ATOSA: variants seen among roughly 807,000 people sequenced by gnomAD.
The protein encoded by ATOSA is atos homolog A.
At chr15:52,633,856 A>G in the ATOSA span, among the ~76,000 whole-genome samples, 1 of 152,164 alleles carries the variant, frequency 6.6e-6, no homozygotes, top group Non-Finnish European at 1.5e-5. Flanking sequence ...TCTTAAATAT[A>G]ATTAAAGGAA....
At chr15:52,704,186 C>T in the ATOSA span, among the ~76,000 whole-genome samples, 2 of 152,108 alleles carry the variant, frequency 1.3e-5, no homozygotes, top group African/African-American at 4.8e-5. Flanking sequence ...AGAACAGAGG[C>T]TCTGAAATAA....
the ATOSA span, among the ~76,000 whole-genome samples, chr15:52,700,087 A>T: frequency 6.6e-6 from 1 of 152,212 alleles, no homozygotes; most frequent in Non-Finnish European, 1.5e-5. Flanking sequence ...AACTGAAAAG[A>T]TTGACCATCA....
At chr15:52,704,617 G>A in the ATOSA span, among the ~76,000 whole-genome samples, 2 of 151,958 alleles carry the variant, frequency 1.3e-5, no homozygotes, top group South Asian at 2.1e-4. Flanking sequence ...TCTGACAAAG[G>A]GCTAATATCC....
At chr15:52,618,326 A>G in the ATOSA span, among the ~76,000 whole-genome samples, 12 of 152,314 alleles carry the variant, frequency 7.9e-5, no homozygotes, top group East Asian at 5.8e-4. Flanking sequence ...GGTGTGTGCC[A>G]CTGCGCCTGG....
chr15:52,604,976 A>G, the ATOSA span, among the ~76,000 whole-genome samples: 1 of 152,182 alleles, frequency 6.6e-6, no homozygotes, highest in Non-Finnish European at 1.5e-5. Flanking sequence ...CTGTATTATC[A>G]CATAGCTGTA....
chr15:52,691,912 C>T, the ATOSA span, among the ~76,000 whole-genome samples: 9 of 151,924 alleles, frequency 5.9e-5, no homozygotes, highest in African/African-American at 2.2e-4. Context: ...AAAAGAGATA[C>T]CAGGCCCAGA....
the ATOSA span, among the ~76,000 whole-genome samples, chr15:52,606,334 C>A: frequency 6.6e-6 from 1 of 151,932 alleles, no homozygotes; most frequent in Non-Finnish European, 1.5e-5. Flanking sequence ...AAGTTTATAC[C>A]CAAAGATCAG....
the ATOSA span, among the ~76,000 whole-genome samples, chr15:52,700,934 A>G: frequency 1.3e-5 from 2 of 152,250 alleles, no homozygotes; most frequent in Non-Finnish European, 2.9e-5. Flanking sequence ...TAAATTTAAC[A>G]TGATCTCAAT....
the ATOSA span, among the ~76,000 whole-genome samples, chr15:52,630,940 T>C: frequency 6.6e-6 from 1 of 152,104 alleles, no homozygotes; most frequent in African/African-American, 2.4e-5. Context: ...CTAAACAACA[T>C]AGTTTATGGT....
At chr15:52,659,501 G>A in the ATOSA span, among the ~76,000 whole-genome samples, 4 of 152,234 alleles carry the variant, frequency 2.6e-5, no homozygotes, top group Middle Eastern at 3.4e-3. Context: ...TAGAAATAGA[G>A]CATTTCTAAA....
At chr15:52,667,494 T>C in the ATOSA span, among the ~76,000 whole-genome samples, 1 of 152,246 alleles carries the variant, frequency 6.6e-6, no homozygotes, top group Non-Finnish European at 1.5e-5. Flanking sequence ...GTAACTGTAT[T>C]GCAGGTATAC....
the ATOSA span, among the ~76,000 whole-genome samples, chr15:52,675,067 AGTATAAAAACACAG>A: frequency 3.3e-5 from 5 of 152,218 alleles, no homozygotes; most frequent in Non-Finnish European, 7.3e-5. Context: ...TAATGGAACA[AGTATAAAAACACAG>A]GTCTGCTAAT....
At chr15:52,697,769 C>A in the ATOSA span, among the ~76,000 whole-genome samples, 1 of 151,380 alleles carries the variant, frequency 6.6e-6, no homozygotes, top group South Asian at 2.1e-4. Flanking sequence ...AAAAATTGGG[C>A]AAAGACTTGA....
At chr15:52,589,400 C>T in the ATOSA span, among the ~76,000 whole-genome samples, 4 of 152,014 alleles carry the variant, frequency 2.6e-5, no homozygotes, top group South Asian at 8.3e-4. Context: ...AATATATTAC[C>T]GTTCTTCCTT....
At chr15:52,637,567 CCAT>C in the ATOSA span, among the ~76,000 whole-genome samples, 1 of 152,270 alleles carries the variant, frequency 6.6e-6, no homozygotes, top group East Asian at 1.9e-4. Context: ...ACTACTAAGG[CCAT>C]CATCTCTTTC....
the ATOSA span, among the ~76,000 whole-genome samples, chr15:52,621,190 A>G: frequency 6.6e-6 from 1 of 152,208 alleles, no homozygotes. Context: ...TGACATACCT[A>G]CTTTTGACAA....
the ATOSA span, chr15:52,677,956 T>G: frequency 6.2e-7 from 1 of 1,612,208 alleles, no homozygotes; most frequent in Non-Finnish European, 8.5e-7. Flanking sequence ...AATTGAGGCA[T>G]AGAAAAGAAG....
chr15:52,604,450 G>A, the ATOSA span, among the ~76,000 whole-genome samples: 4 of 152,220 alleles, frequency 2.6e-5, no homozygotes, highest in East Asian at 5.8e-4. Context: ...CTAAAAATAC[G>A]TTTGTGGCAA....
At chr15:52,704,512 T>G in the ATOSA span, among the ~76,000 whole-genome samples, 1 of 152,278 alleles carries the variant, frequency 6.6e-6, no homozygotes, top group South Asian at 2.1e-4. Context: ...AAATGGGATC[T>G]AATTAAACTA....
Sources: allele counts gnomAD v4.1 joint callset (sites outside exome capture counted in the v4.1 genomes callset), GRCh38; gene constraint gnomAD v4.1.1; transcripts MANE v1.5; gene names NCBI Gene and HGNC (gene_info 2026-07-23, HGNC 2026-07-21).